CRADD: variants seen among roughly 807,000 people sequenced by gnomAD.
CRADD encodes CARD and death domain containing adaptor protein, also known as death domain-containing protein CRADD.
A neutral mutation model predicts 15.5 loss-of-function variants in CRADD; 9 were observed. The ratio of observed to expected loss-of-function variants is 0.58; its 90% confidence interval spans 0.35 to 1.01. CRADD has a LOEUF of 1.01. CRADD is among the 50% of genes least tolerant of loss of function. CRADD has a pLI of 0.02. For synonymous variants in CRADD, 118 were observed against 107.6 expected (o/e 1.10, Z -0.60); for missense variants, 227 against 250.3 (o/e 0.91, Z 0.63).
chr12:93,774,571 G>A (rs999290413), intron 2 of CRADD, among the ~76,000 whole-genome samples: 4 of 152,226 alleles, frequency 2.6e-5, no homozygotes, highest in Admixed American at 2.6e-4. Context: ...GTGGGAGGGG[G>A]GTTAAGGATG....
At chr12:93,805,497 G>C (rs769175549) in intron 2 of CRADD, among the ~76,000 whole-genome samples, 25 of 151,310 alleles carry the variant, frequency 1.7e-4, no homozygotes, top group South Asian at 1.5e-3. Flanking sequence ...CCAGTCCTCC[G>C]AGCCTGTTTC....
At chr12:93,826,997 C>T (rs1276213032) in intron 2 of CRADD, among the ~76,000 whole-genome samples, 1 of 152,100 alleles carries the variant, frequency 6.6e-6, no homozygotes, top group Admixed American at 6.5e-5. Flanking sequence ...GGGAACAGGA[C>T]CTAACCCAGT....
intron 2 of CRADD, among the ~76,000 whole-genome samples, chr12:93,817,689 C>G (rs7306174): frequency 0.72 from 109,601 of 151,732 alleles, 40,360 homozygotes; most frequent in African/African-American, 0.88. Flanking sequence ...CAGGTTGGGG[C>G]CTTCGAATCC....
At chr12:93,782,116 G>A (rs1320017624) in intron 2 of CRADD, among the ~76,000 whole-genome samples, 1 of 151,978 alleles carries the variant, frequency 6.6e-6, no homozygotes, top group Non-Finnish European at 1.5e-5. Flanking sequence ...ATGATAGACT[G>A]GATTAAGAAA....
chr12:93,765,465 TCTGTTTC>T (rs1437677775), intron 2 of CRADD, among the ~76,000 whole-genome samples: 1 of 152,186 alleles, frequency 6.6e-6, no homozygotes, highest in African/African-American at 2.4e-5. Context: ...CCTGAGGTCA[TCTGTTTC>T]CTGGAGCTGT....
At chr12:93,721,556 T>C (rs1209495629) in intron 2 of CRADD, among the ~76,000 whole-genome samples, 2 of 152,146 alleles carry the variant, frequency 1.3e-5, no homozygotes, top group African/African-American at 4.8e-5. Flanking sequence ...TAAGGGATAA[T>C]TGCATCTGTA....
chr12:93,809,477 T>C (rs1957594363), intron 2 of CRADD, among the ~76,000 whole-genome samples: 2 of 152,140 alleles, frequency 1.3e-5, no homozygotes, highest in Non-Finnish European at 2.9e-5. Flanking sequence ...AACCCATTGG[T>C]CTCCATTTTC....
intron 2 of CRADD, among the ~76,000 whole-genome samples, chr12:93,881,465 T>C (rs1042682082): frequency 1.3e-5 from 2 of 151,652 alleles, no homozygotes; most frequent in African/African-American, 4.8e-5. Context: ...ATCAATCCTT[T>C]GCAGCTTCCA....
At chr12:93,716,706 T>C (rs76764315) in intron 2 of CRADD, among the ~76,000 whole-genome samples, 1,895 of 152,344 alleles carry the variant, frequency 0.012, 21 homozygotes, top group Non-Finnish European at 0.02. Flanking sequence ...CATGACTTAA[T>C]AGCTCGTTTC....
At chr12:93,856,042 G>A (rs1412321148) in intron 2 of CRADD, among the ~76,000 whole-genome samples, 1 of 152,164 alleles carries the variant, frequency 6.6e-6, no homozygotes, top group Non-Finnish European at 1.5e-5. Flanking sequence ...TCTTGACCTC[G>A]TGATCCACCT....
chr12:93,844,355 G>A (rs1958087541), intron 2 of CRADD, among the ~76,000 whole-genome samples: 1 of 152,130 alleles, frequency 6.6e-6, no homozygotes, highest in South Asian at 2.1e-4. Context: ...GAACTGAACG[G>A]GTCTCATGAG....
intron 2 of CRADD, among the ~76,000 whole-genome samples, chr12:93,788,274 GAAACCTCTTATA>G (rs1957303457): frequency 6.6e-6 from 1 of 152,166 alleles, no homozygotes; most frequent in Non-Finnish European, 1.5e-5. Context: ...AGCGAAGGGA[GAAACCTCTTATA>G]AAACCATCAG....
chr12:93,799,103 T>C (rs1957450950), intron 2 of CRADD, among the ~76,000 whole-genome samples: 2 of 152,150 alleles, frequency 1.3e-5, no homozygotes, highest in African/African-American at 4.8e-5. Flanking sequence ...CTTATATTAA[T>C]ATAAGGGACT....
intron 2 of CRADD, among the ~76,000 whole-genome samples, chr12:93,819,143 C>T (rs896297232): frequency 5.9e-5 from 9 of 152,388 alleles, no homozygotes; most frequent in Middle Eastern, 3.4e-3. Flanking sequence ...TTGGCCCGCC[C>T]TGTCCGCCTA....
intron 2 of CRADD, among the ~76,000 whole-genome samples, chr12:93,822,117 C>CAAA (rs34990364): frequency 0.014 from 2,039 of 140,806 alleles, 31 homozygotes; most frequent in Middle Eastern, 0.038. Context: ...GACTCAGTCT[C>CAAA]AAAAAAAAAA....
intron 2 of CRADD, among the ~76,000 whole-genome samples, chr12:93,779,653 A>T: frequency 6.7e-6 from 1 of 149,660 alleles, no homozygotes; most frequent in South Asian, 2.1e-4. Context: ...GCAGTGGTGC[A>T]ATCTCGGCCC....
intron 2 of CRADD, among the ~76,000 whole-genome samples, chr12:93,790,023 T>G (rs1957330532): frequency 6.6e-6 from 1 of 152,172 alleles, no homozygotes; most frequent in Non-Finnish European, 1.5e-5. Flanking sequence ...GTACTGCCTC[T>G]GTAAATGGAA....
At chr12:93,776,953 T>C (rs77911542) in intron 2 of CRADD, among the ~76,000 whole-genome samples, 6,650 of 152,288 alleles carry the variant, frequency 0.044, 340 homozygotes, top group East Asian at 0.19. Context: ...TAAAATTAGA[T>C]TGTGGTGATG....
At chr12:93,783,671 T>G (rs1004984817) in intron 2 of CRADD, among the ~76,000 whole-genome samples, 9 of 152,200 alleles carry the variant, frequency 5.9e-5, no homozygotes, top group African/African-American at 2.2e-4. Context: ...TTATTTATGC[T>G]TGTTCTTCAA....
Sources: gnomAD v4.1 joint callset for allele counts (sites outside exome capture counted in the v4.1 genomes callset) on GRCh38, gnomAD v4.1.1 for gene constraint, MANE v1.5 for transcripts, NCBI Gene and HGNC (gene_info 2026-07-23, HGNC 2026-07-21) for gene names.